Variants in JAKMIP1 observed in about 807,000 individuals in gnomAD.
JAKMIP1 encodes janus kinase and microtubule-interacting protein 1.
Under a neutral mutation model 113.0 loss-of-function variants are expected in JAKMIP1, and 33 were observed. The ratio of observed to expected loss-of-function variants is 0.29; its 90% CI spans 0.22 to 0.39. The LOEUF is 0.39. Among genes scored for constraint, JAKMIP1 ranks in the 10% least tolerant of loss-of-function variants. The pLI is 1.00. For synonymous variants in JAKMIP1, 480 were observed against 459.9 expected, an observed-to-expected ratio of 1.04 and a Z score of -0.56; for missense variants, 813 against 1,080.5, an observed-to-expected ratio of 0.75 and a Z score of 3.47.
chr4:6,070,020 GAACCTCA>G, intron 8 of JAKMIP1: 1 of 398,666 alleles, frequency 2.5e-6, no homozygotes, highest in Non-Finnish European at 4.4e-6. Context: ...GACCGCCAGA[GAACCTCA>G]AAACGCAAAA....
In JAKMIP1 at chr4:6,193,132, T is replaced by C. The variant is rs959392322; in HGVS notation, c.-148+7121A>G. Reference sequence around the variant, plus strand: ...GTCTTCTGGCCCCATCTTTCTCCCATGCTGGATGCTTCCTGCCCTCGGACA... The same window carrying C: ...GTCTTCTGGCCCCATCTTTCTCCCACGCTGGATGCTTCCTGCCCTCGGACA... On this transcript the variant is annotated intron_variant, in intron 1 of 20. Transcript: ENST00000409021. This position sits in a 1 kb window ranked among gnomAD's most constrained non-coding sequence, Gnocchi z 6.4. Among the ~76,000 whole-genome samples the C allele has an allele frequency of 1.3e-5, 2 of 152,166 alleles. No homozygotes were observed. The highest frequency in any genetic ancestry group is 2.4e-5 in the African/African-American group (1 of 41,440).
At chr4:6,107,098 A>G (rs1714081647) in intron 2 of JAKMIP1, among the ~76,000 whole-genome samples, 1 of 152,208 alleles carries the variant, frequency 6.6e-6, no homozygotes, top group Non-Finnish European at 1.5e-5. Flanking sequence ...AATCATAGGA[A>G]TGAAGCCAGG....
intron 1 of JAKMIP1, among the ~76,000 whole-genome samples, chr4:6,126,962 C>T (rs538371101): frequency 1.3e-5 from 2 of 152,026 alleles, no homozygotes; most frequent in South Asian, 4.2e-4. Context: ...ATACAACACA[C>T]ACACCACACC....
intron 1 of JAKMIP1, among the ~76,000 whole-genome samples, chr4:6,152,789 AATATATATATATAT>A (rs35192547): frequency 7.4e-6 from 1 of 135,294 alleles, no homozygotes; most frequent in African/African-American, 2.9e-5. Flanking sequence ...TAAAAATACA[AATATATATATATAT>A]ATATATACAT....
In JAKMIP1 at chr4:6,135,747, C is replaced by A. The variant is rs1719139940; in HGVS notation, c.-147-22750G>T. Among the ~76,000 whole-genome samples, 1 of 152,168 alleles carries A rather than the reference C, an allele frequency of 6.6e-6. No individual in the cohort carries two copies. The highest frequency in any genetic ancestry group is 1.5e-5 in the Non-Finnish European group (1 of 68,042). ...GAGCCACAGCCAGCCTGGACTTGAA[C>A]CCAAGCCTTCTAAGGCCCATCCCAC... On this transcript the variant is annotated intron_variant, in intron 1 of 20. Coordinates refer to ENST00000409021, the MANE Select transcript of JAKMIP1 (RefSeq NM_001099433.2). The surrounding 1 kb of genome is among the most constrained non-coding windows in gnomAD (Gnocchi z 4.9).
chr4:6,109,379 C>G (rs979566229), intron 2 of JAKMIP1, among the ~76,000 whole-genome samples: 2 of 151,806 alleles, frequency 1.3e-5, no homozygotes, highest in Admixed American at 1.3e-4. Context: ...ATTATCCGCC[C>G]GCCTTGGCCT....
Position 6,086,796 on chromosome 4 carries a change from T to C in JAKMIP1, c.625-1167A>G, listed in dbSNP as rs1721369481. ...GAGCAGGGTGGGCCCTTATGACTGGTGTCCTTATGAGAGGAGAAGAGAGAC... is the reference window on the plus strand; with the variant it reads ...GAGCAGGGTGGGCCCTTATGACTGGCGTCCTTATGAGAGGAGAAGAGAGAC... On this transcript the variant is annotated intron_variant, in intron 3 of 20. Coordinates refer to ENST00000409021, the MANE Select transcript of JAKMIP1 (RefSeq NM_001099433.2). This position sits in a 1 kb window ranked among gnomAD's most constrained non-coding sequence, Gnocchi z 4.1. Among the ~76,000 whole-genome samples the C allele has an allele frequency of 6.6e-6, 1 of 151,976 alleles. No homozygotes were observed. The highest frequency in any genetic ancestry group is 2.4e-5 in the African/African-American group (1 of 41,400).
chr4:6,084,411 G>T (rs1720993403), intron 5 of JAKMIP1, among the ~76,000 whole-genome samples: 2 of 151,374 alleles, frequency 1.3e-5, no homozygotes, highest in Admixed American at 1.3e-4. Context: ...AATTTACTAT[G>T]AACACGTTTC....
intron 3 of JAKMIP1, among the ~76,000 whole-genome samples, chr4:6,087,430 C>T (rs546079979): frequency 3.3e-5 from 5 of 152,308 alleles, no homozygotes; most frequent in Admixed American, 2.0e-4. Flanking sequence ...TAGCATATCG[C>T]AAGCCTGCCA....
rs556040041 is a variant in JAKMIP1 at position 6,065,727 on chromosome 4, A to G, written c.1303-719T>C. Among the ~76,000 whole-genome samples, 17 of 152,332 alleles carry G rather than the reference A, an allele frequency of 1.1e-4. No homozygotes were observed. In the East Asian group the frequency reaches 1.4e-3, roughly 12 times the overall value. The stretch of plus-strand genomic sequence containing the variant: ...GAGGCAAATTGTAAGGCTCTATGTG[A>G]CGGCCTCTGAGTTGCCCTGCTGGCA... On this transcript the variant is annotated intron_variant, in intron 8 of 20. Coordinates refer to ENST00000409021, the MANE Select transcript of JAKMIP1 (RefSeq NM_001099433.2). The surrounding 1 kb of genome is among the most constrained non-coding windows in gnomAD (Gnocchi z 5.1).
chr4:6,105,500 G>A lies in JAKMIP1; in HGVS notation c.597C>T (p.Arg199=). Residue 199 remains arginine (R), a synonymous_variant, in exon 3 of 21, where the codon CGC becomes CGT. Transcript: ENST00000409021. ...AHQDEVHRIK[R]ECERDIRRLM... ...GCCTGCGGATGTCGCGCTCGCACTCGCGCTTGATGCGGTGCACCTCGTCTT... is the reference window on the plus strand; with the variant it reads ...GCCTGCGGATGTCGCGCTCGCACTCACGCTTGATGCGGTGCACCTCGTCTT... 11 of 1,607,142 alleles carry A rather than the reference G, an allele frequency of 6.8e-6. No individual in the cohort carries two copies. Among genetic ancestry groups the A allele is most frequent in the Non-Finnish European group, 8.5e-6 (10 of 1,177,184 alleles).
intron 16 of JAKMIP1, among the ~76,000 whole-genome samples, chr4:6,047,816 G>T (rs1482672001): frequency 6.6e-6 from 1 of 152,178 alleles, no homozygotes; most frequent in Non-Finnish European, 1.5e-5. Context: ...AAAGGAAAAG[G>T]TCTTTAGCCA....
At position 6,180,032 on chromosome 4, in the gene JAKMIP1, C is replaced by T. The variant is rs941336406; in HGVS notation, c.-148+20221G>A. Among the ~76,000 whole-genome samples, 31 of 152,174 alleles carry T rather than the reference C, an allele frequency of 2.0e-4. No homozygotes were observed. The highest frequency in any genetic ancestry group is 3.7e-4 in the Non-Finnish European group (25 of 68,036). On this transcript the variant is annotated intron_variant, in intron 1 of 20. Coordinates refer to ENST00000409021, the MANE Select transcript of JAKMIP1 (RefSeq NM_001099433.2). This position sits in a 1 kb window ranked among gnomAD's most constrained non-coding sequence, Gnocchi z 4.5. ...CTTAGAAGCCATGCAAGAACATTTG[C>T]AGGGATAAACAGCAGGCTCCTTCCT...
intron 3 of JAKMIP1, among the ~76,000 whole-genome samples, chr4:6,102,370 G>A (rs1474736210): frequency 1.3e-5 from 2 of 152,136 alleles, no homozygotes; most frequent in Non-Finnish European, 2.9e-5. Flanking sequence ...TCTTTAAGAG[G>A]TGATGAAGTC....
Position 6,168,682 on chromosome 4 carries a change from A to G in JAKMIP1, c.-148+31571T>C, listed in dbSNP as rs945277120. ...GAGGCGGGCAGATTTTTTGAGTCCA[A>G]GAGTCCAAGACCAGCTTGGACAGGA... On this transcript the variant is annotated intron_variant, in intron 1 of 20. Coordinates refer to ENST00000409021, the MANE Select transcript of JAKMIP1 (RefSeq NM_001099433.2). The surrounding 1 kb of genome is among the most constrained non-coding windows in gnomAD (Gnocchi z 4.6). Among the ~76,000 whole-genome samples the G allele has an allele frequency of 5.9e-5, 9 of 152,088 alleles. No individual in the cohort carries two copies. The highest frequency in any genetic ancestry group is 1.5e-5 in the Non-Finnish European group (1 of 68,006).
At chr4:6,062,717 G>A (rs2108787383) in intron 9 of JAKMIP1, among the ~76,000 whole-genome samples, 1 of 152,292 alleles carries the variant, frequency 6.6e-6, no homozygotes, top group South Asian at 2.1e-4. Flanking sequence ...CCCACCCACA[G>A]GAATCACTTG....
chr4:6,197,016 G>T lies in JAKMIP1; in HGVS notation c.-148+3237C>A, dbSNP rs899218067. On this transcript the variant is annotated intron_variant, in intron 1 of 20. Transcript: ENST00000409021. The surrounding 1 kb of genome is among the most constrained non-coding windows in gnomAD (Gnocchi z 6.5). Reference sequence around the variant, plus strand: ...GAGCCCCACTTCTGAGTCCCCCAGTGTCCTGAGACTTGGCTCCCTCTGCGG... The same window carrying T: ...GAGCCCCACTTCTGAGTCCCCCAGTTTCCTGAGACTTGGCTCCCTCTGCGG... Among the ~76,000 whole-genome samples the T allele has an allele frequency of 4.6e-5, 7 of 152,226 alleles. No homozygotes were observed. The highest frequency in any genetic ancestry group is 1.3e-4 in the Admixed American group (2 of 15,288).
In JAKMIP1 at chr4:6,196,619, C is replaced by T. The variant is rs933166871; in HGVS notation, c.-148+3634G>A. Among the ~76,000 whole-genome samples, 6 of 151,996 alleles carry T rather than the reference C, an allele frequency of 3.9e-5. No homozygotes were observed. The East Asian group carries it at 7.7e-4, about 20-fold the overall frequency. ...CTGTACTCCCAGCACGTTGGGAGGC[C>T]GAGGCGGGCAAATCACCTGAGGTGA... On this transcript the variant is annotated intron_variant, in intron 1 of 20. Transcript: ENST00000409021.
intron 1 of JAKMIP1, among the ~76,000 whole-genome samples, chr4:6,161,237 C>T (rs1297955543): frequency 6.8e-6 from 1 of 148,018 alleles, no homozygotes; most frequent in East Asian, 2.0e-4. Context: ...GACCTCCACT[C>T]ACCTCCCCTG....
Sources: gnomAD v4.1 joint callset for allele counts (sites outside exome capture counted in the v4.1 genomes callset) on GRCh38, gnomAD v4.1.1 for gene constraint, Gnocchi (gnomAD v3.1) non-coding constraint, MANE v1.5 for transcripts, NCBI Gene and HGNC (gene_info 2026-07-23, HGNC 2026-07-21) for gene names.